TEK: variants seen among roughly 807,000 people sequenced by gnomAD.
The protein encoded by TEK is angiopoietin-1 receptor.
Under a neutral mutation model 131.8 loss-of-function variants are expected in TEK, and 43 were observed. The ratio of observed to expected loss-of-function variants is 0.33; its 90% CI spans 0.26 to 0.42. The LOEUF is 0.42. Ranked by LOEUF, TEK falls within the 10% of genes least tolerant of loss-of-function variation. TEK has a pLI of 1.00. For missense variants in TEK, 1,162 were observed against 1,384.4 expected (o/e 0.84, Z 2.55); for synonymous variants, 580 against 491.6 (o/e 1.18, Z -2.38).
intron 14 of TEK, 138 bp downstream of exon 14, chr9:27,205,203 T>C (rs1825360435): frequency 8.9e-7 from 1 of 1,129,058 alleles, no homozygotes; most frequent in Non-Finnish European, 1.3e-6. Flanking sequence ...TCTTTGGCTT[T>C]CATTATGAAA....
chr9:27,211,774 G>C (rs1825641559), intron 16 of TEK, among the ~76,000 whole-genome samples: 1 of 151,836 alleles, frequency 6.6e-6, no homozygotes, highest in African/African-American at 2.4e-5. Flanking sequence ...TGGGCTTCAA[G>C]TTCTAATTCA....
At chr9:27,133,361 C>T (rs563208438) in intron 1 of TEK, among the ~76,000 whole-genome samples, 4 of 152,286 alleles carry the variant, frequency 2.6e-5, no homozygotes, top group South Asian at 4.1e-4. Flanking sequence ...TTCAAAATGT[C>T]GTGTACTTCT....
chr9:27,205,153 C>A, intron 14 of TEK, 88 bp downstream of exon 14: 3 of 1,525,686 alleles, frequency 2.0e-6, no homozygotes, highest in Non-Finnish European at 2.7e-6. Context: ...AGGAAATTTA[C>A]TTATAAAGTA....
At chr9:27,213,249 G>A (rs562500487) in intron 17 of TEK, among the ~76,000 whole-genome samples, 16 of 152,236 alleles carry the variant, frequency 1.1e-4, no homozygotes, top group Non-Finnish European at 2.1e-4. Flanking sequence ...ACAGCTGGAG[G>A]ATTTAACAAC....
intron 1 of TEK, among the ~76,000 whole-genome samples, chr9:27,112,343 A>G (rs616500): frequency 0.94 from 143,363 of 152,302 alleles, 68,011 homozygotes; most frequent in East Asian, 1. Context: ...GCTAGTGTCA[A>G]GTCTGAGTAA....
At chr9:27,138,321 A>C (rs1822582815) in intron 1 of TEK, among the ~76,000 whole-genome samples, 1 of 152,130 alleles carries the variant, frequency 6.6e-6, no homozygotes, top group African/African-American at 2.4e-5. Context: ...CATTTTGCAG[A>C]GAGCTGATTG....
At chr9:27,216,385 T>C (rs1825821171) in intron 18 of TEK, among the ~76,000 whole-genome samples, 1 of 151,912 alleles carries the variant, frequency 6.6e-6, no homozygotes, top group South Asian at 2.1e-4. Flanking sequence ...AATAAAAAAA[T>C]AAATGAAAAA....
chr9:27,221,324 AAGGGTGGCTGTTGGTGT>A (rs1826068825), intron 21 of TEK, among the ~76,000 whole-genome samples: 9 of 152,234 alleles, frequency 5.9e-5, no homozygotes, highest in Admixed American at 5.9e-4. Flanking sequence ...ACCTAGTGGT[AAGGGTGGCTGTTGGTGT>A]AGCTTCAGCA....
intron 2 of TEK, 109 bp downstream of exon 2, chr9:27,158,251 AG>A (rs1823415411): frequency 7.9e-7 from 1 of 1,263,194 alleles, no homozygotes; most frequent in African/African-American, 1.5e-5. Flanking sequence ...CTGAATGTAG[AG>A]CTTGACGATC....
intron 1 of TEK, among the ~76,000 whole-genome samples, chr9:27,120,254 T>A (rs114432747): frequency 9.9e-4 from 151 of 152,362 alleles, no homozygotes; most frequent in African/African-American, 3.4e-3. Flanking sequence ...CTTTGCAGTT[T>A]CCAAACATTC....
intron 18 of TEK, among the ~76,000 whole-genome samples, chr9:27,216,337 A>G (rs987674822): frequency 6.6e-6 from 1 of 152,154 alleles, no homozygotes; most frequent in Non-Finnish European, 1.5e-5. Flanking sequence ...AACTGAGGTG[A>G]TACAGTAGAC....
intron 12 of TEK, among the ~76,000 whole-genome samples, chr9:27,198,652 G>T (rs1388148731): frequency 1.3e-5 from 2 of 152,156 alleles, no homozygotes; most frequent in Non-Finnish European, 1.5e-5. Context: ...TGTCATATTT[G>T]CTTTCAGCAT....
intron 16 of TEK, among the ~76,000 whole-genome samples, chr9:27,210,120 C>T (rs1404341071): frequency 6.6e-6 from 1 of 152,194 alleles, no homozygotes. Flanking sequence ...AACAATTTAT[C>T]ATTCTATGAT....
intron 8 of TEK, among the ~76,000 whole-genome samples, chr9:27,184,800 GC>G (rs1824536076): frequency 6.6e-6 from 1 of 152,260 alleles, no homozygotes; most frequent in Admixed American, 6.5e-5. Context: ...TGCTTTGGAA[GC>G]CTGAGGTGGG....
At chr9:27,128,338 AT>A (rs1438968381) in intron 1 of TEK, among the ~76,000 whole-genome samples, 5 of 151,992 alleles carry the variant, frequency 3.3e-5, no homozygotes, top group Non-Finnish European at 7.4e-5. Context: ...TGGTCTAGGT[AT>A]CTCTTTTGGT....
chr9:27,117,871 G>A (rs1239183439), intron 1 of TEK, among the ~76,000 whole-genome samples: 1 of 152,194 alleles, frequency 6.6e-6, no homozygotes, highest in Non-Finnish European at 1.5e-5. Flanking sequence ...GTTAAAGGGT[G>A]ATATCATGCT....
In TEK at chr9:27,202,111, G is replaced by A. The variant is rs144700769; in HGVS notation, c.1910-709G>A. ...TTGAGTGAGAATGTAGTGATGCTGC[G>A]GTGCCTGTCATCTTCACATGTGGAA... On this transcript the variant is annotated intron_variant, in intron 12 of 22. Transcript: ENST00000380036. Among the ~76,000 whole-genome samples the A allele has an allele frequency of 3.7e-3, 569 of 152,232 alleles. 4 individuals are homozygous for A. Among genetic ancestry groups the A allele is most frequent in the African/African-American group, 0.013 (522 of 41,518 alleles).
At chr9:27,142,645 T>A (rs868540019) in intron 1 of TEK, among the ~76,000 whole-genome samples, 1 of 152,378 alleles carries the variant, frequency 6.6e-6, no homozygotes, top group South Asian at 2.1e-4. Flanking sequence ...TCTACTGGGA[T>A]GATCAAAGTA....
intron 1 of TEK, among the ~76,000 whole-genome samples, chr9:27,116,198 T>C (rs1415471859): frequency 6.6e-6 from 1 of 152,144 alleles, no homozygotes; most frequent in East Asian, 1.9e-4. Context: ...CTGATTTGGA[T>C]AATGGTGGTG....
Sources: gnomAD v4.1 joint callset for allele counts (sites outside exome capture counted in the v4.1 genomes callset) on GRCh38, gnomAD v4.1.1 for gene constraint, MANE v1.5 for transcripts, NCBI Gene and HGNC (gene_info 2026-07-23, HGNC 2026-07-21) for gene names.